Variants in APBA1 observed in about 807,000 individuals in gnomAD.
APBA1 encodes the protein amyloid-beta A4 precursor protein-binding family A member 1.
A neutral mutation model predicts 86.6 loss-of-function variants in APBA1; 55 were observed. The ratio of observed to expected loss-of-function variants is 0.64; its 90% CI spans 0.51 to 0.80. The LOEUF (loss-of-function observed/expected upper bound fraction) is 0.80, where lower values mean the gene tolerates loss of function less well. APBA1 is among the 30% of genes least tolerant of loss of function. APBA1 has a pLI of 0.00. For synonymous variants in APBA1, 511 were observed against 493.9 expected (o/e 1.03, Z -0.46); for missense variants, 1,090 against 1,183.0 (o/e 0.92, Z 1.15).
At chr9:69,559,202 G>T (rs1836910530) in intron 1 of APBA1, among the ~76,000 whole-genome samples, 1 of 152,164 alleles carries the variant, frequency 6.6e-6, no homozygotes, top group Non-Finnish European at 1.5e-5. Flanking sequence ...AAATTAAAAA[G>T]TCTTTATTAC....
intron 1 of APBA1, among the ~76,000 whole-genome samples, chr9:69,633,981 T>C (rs1317581644): frequency 6.6e-6 from 1 of 152,234 alleles, no homozygotes; most frequent in Non-Finnish European, 1.5e-5. Context: ...CAGAGCAAGA[T>C]GGCTGAATAG....
At chr9:69,482,900 A>C (rs1243168429) in intron 2 of APBA1, among the ~76,000 whole-genome samples, 1 of 144,856 alleles carries the variant, frequency 6.9e-6, no homozygotes, top group Non-Finnish European at 1.5e-5. Context: ...ATTCTCACTC[A>C]TAGGTGGGAA....
intron 1 of APBA1, among the ~76,000 whole-genome samples, chr9:69,556,564 T>G (rs1337968968): frequency 6.6e-6 from 1 of 152,220 alleles, no homozygotes; most frequent in East Asian, 1.9e-4. Flanking sequence ...TAGTTAGCAC[T>G]TTTAGAAAAA....
At chr9:69,618,111 G>C (rs1263104256) in intron 1 of APBA1, among the ~76,000 whole-genome samples, 1 of 152,182 alleles carries the variant, frequency 6.6e-6, no homozygotes, top group Admixed American at 6.5e-5. Context: ...TGTGGGATGG[G>C]ATAATGGCGC....
chr9:69,530,165 A>C (rs1836402212), intron 1 of APBA1, among the ~76,000 whole-genome samples: 1 of 152,090 alleles, frequency 6.6e-6, no homozygotes, highest in Admixed American at 6.6e-5. Flanking sequence ...AAATCTACTC[A>C]AAGAAAAAGA....
chr9:69,627,818 T>C (rs1344233956), intron 1 of APBA1, among the ~76,000 whole-genome samples: 1 of 152,184 alleles, frequency 6.6e-6, no homozygotes, highest in East Asian at 1.9e-4. Flanking sequence ...AAGTCTGAAA[T>C]TCCTCCCTTT....
rs555592129 is a variant in APBA1 at position 69,489,854 on chromosome 9, G to A, written c.1201-13711C>T. Among the ~76,000 whole-genome samples the A allele has an allele frequency of 2.0e-5, 3 of 152,234 alleles. No individual in the cohort carries two copies. The South Asian group carries it at 6.2e-4, about 32-fold the overall frequency. Reference sequence around the variant, plus strand: ...GTGCTAGAGAGGATGTGGAGAAATAGGAACACTTTTACACTGTTGGTGGGA... The same window carrying A: ...GTGCTAGAGAGGATGTGGAGAAATAAGAACACTTTTACACTGTTGGTGGGA... On this transcript the variant is annotated intron_variant, in intron 2 of 12. Coordinates refer to ENST00000265381, the MANE Select transcript of APBA1 (RefSeq NM_001163.4).
intron 1 of APBA1, among the ~76,000 whole-genome samples, chr9:69,574,717 T>C (rs1821744746): frequency 6.6e-6 from 1 of 152,082 alleles, no homozygotes; most frequent in Non-Finnish European, 1.5e-5. Flanking sequence ...TTTTCTTTCA[T>C]AGAAAGTGAA....
Position 69,548,414 on chromosome 9 carries a change from T to C in APBA1, c.-69-31135A>G, listed in dbSNP as rs192360052. Among the ~76,000 whole-genome samples the C allele has an allele frequency of 4.6e-5, 7 of 152,330 alleles. No homozygotes were observed. The East Asian group carries it at 1.4e-3, about 29-fold the overall frequency. On this transcript the variant is annotated intron_variant, in intron 1 of 12. Coordinates refer to ENST00000265381, the MANE Select transcript of APBA1 (RefSeq NM_001163.4). ...ACAGAACCTTAAGATAATAGGTTTTTGTTGTTTTATGTCACTACGTTTGTG... is the reference window on the plus strand; with the variant it reads ...ACAGAACCTTAAGATAATAGGTTTTCGTTGTTTTATGTCACTACGTTTGTG...
Position 69,476,074 on chromosome 9 carries a change from G to A in APBA1, c.1270C>T (p.Pro424Ser). The change falls in exon 3 of 13, where the codon CCT becomes TCT. Residue 424 changes from proline to serine, a missense_variant. Physicochemically the swap from Pro to Ser is moderately conservative, Grantham distance 74. Transcript: ENST00000265381. ...SSSTSLHPSD[P>S]VEASTNKESR... is the part of the protein sequence containing the mutation. ...TCTTTATTAGTGGACGCTTCCACAG[G>A]GTCACTGGGGTGAAGAGATGTGCTT... 1 of 1,614,154 alleles carries A rather than the reference G, an allele frequency of 6.2e-7. No individual in the cohort carries two copies.
rs1355115132 is a variant in APBA1, at chr9:69,631,468, C to G, written c.-70+40685G>C. On this transcript the variant is annotated intron_variant, in intron 1 of 12. Coordinates refer to ENST00000265381, the MANE Select transcript of APBA1 (RefSeq NM_001163.4). ...TTTACACTGTTGGTGGGACTGTAAA[C>G]TAGTTCAACCATTCTGGAAGACAGT... Among the ~76,000 whole-genome samples, 3 of 152,196 alleles carry G rather than the reference C, an allele frequency of 2.0e-5. No individual in the cohort carries two copies. In the East Asian group the frequency reaches 5.8e-4, roughly 29 times the overall value.
At chr9:69,585,316 G>A (rs1821996052) in intron 1 of APBA1, among the ~76,000 whole-genome samples, 1 of 152,202 alleles carries the variant, frequency 6.6e-6, no homozygotes, top group South Asian at 2.1e-4. Context: ...TGTAAGGTGA[G>A]TCAACTTAGC....
chr9:69,450,515 T>C (rs1018505114), intron 9 of APBA1, among the ~76,000 whole-genome samples: 3 of 152,172 alleles, frequency 2.0e-5, no homozygotes, highest in Admixed American at 6.5e-5. Context: ...TTTGGGGGGC[T>C]TGACAAAGTC....
rs1330265917 is a variant in APBA1 at position 69,471,703 on chromosome 9, A to G, written c.1297-8T>C. The G allele has an allele frequency of 6.8e-6, 11 of 1,611,910 alleles. No homozygotes were observed. Among genetic ancestry groups the G allele is most frequent in the Non-Finnish European group, 9.3e-6 (11 of 1,178,674 alleles). On this transcript the variant is annotated splice_polypyrimidine_tract_variant and splice_region_variant and intron_variant, in intron 3 of 12. Coordinates refer to ENST00000265381, the MANE Select transcript of APBA1 (RefSeq NM_001163.4). ...AGCCAAGCTTTTTCTTGACTGTAAT[A>G]AAGACAAAGAGGTTTCAAAAAGAGC...
chr9:69,604,747 C>G (rs575065848), intron 1 of APBA1, among the ~76,000 whole-genome samples: 1 of 139,700 alleles, frequency 7.2e-6, no homozygotes, highest in Admixed American at 7.1e-5. Context: ...CACATGCACA[C>G]ACATGAGGGT....
intron 2 of APBA1, among the ~76,000 whole-genome samples, chr9:69,492,425 T>C (rs1422002943): frequency 6.6e-6 from 1 of 150,838 alleles, no homozygotes; most frequent in Non-Finnish European, 1.5e-5. Flanking sequence ...CCCACGGGGA[T>C]GTTTTCTTCA....
chr9:69,463,266 A>G (rs1835220422), intron 5 of APBA1: 1 of 134,522 alleles, frequency 7.4e-6, no homozygotes, highest in Non-Finnish European at 1.5e-5. Context: ...TCTCAAGCTC[A>G]AGAACTGTGT....
chr9:69,525,502 CA>C (rs1836328496), intron 1 of APBA1, among the ~76,000 whole-genome samples: 2 of 151,642 alleles, frequency 1.3e-5, no homozygotes, highest in Non-Finnish European at 2.9e-5. Flanking sequence ...CCCCACCCCC[CA>C]AAAATCTAGG....
At chr9:69,514,282 CA>C (rs1836098026) in intron 2 of APBA1, among the ~76,000 whole-genome samples, 1 of 152,122 alleles carries the variant, frequency 6.6e-6, no homozygotes. Context: ...CACAATGAGG[CA>C]TAGGGTGGGT....
Sources: allele counts gnomAD v4.1 joint callset (sites outside exome capture counted in the v4.1 genomes callset), GRCh38; gene constraint gnomAD v4.1.1; transcripts MANE v1.5; gene names NCBI Gene and HGNC (gene_info 2026-07-23, HGNC 2026-07-21).